TMEM108: variants seen among roughly 807,000 people sequenced by gnomAD.
TMEM108 encodes the protein transmembrane protein 108, also known as cancer/testis antigen 124.
In TMEM108, 12 loss-of-function variants were observed where a neutral mutation model predicts 35.1. The observed-to-expected ratio is 0.34, with a 90% confidence interval of 0.22 to 0.55. The LOEUF (loss-of-function observed/expected upper bound fraction) is 0.55, where lower values mean the gene tolerates loss of function less well. Among genes scored for constraint, TMEM108 ranks in the 20% least tolerant of loss-of-function variants. The pLI is 0.89. For synonymous variants in TMEM108, 287 were observed against 308.6 expected, an observed-to-expected ratio of 0.93 and a Z score of 0.73; for missense variants, 680 against 753.3, an observed-to-expected ratio of 0.90 and a Z score of 1.14.
intron 3 of TMEM108, among the ~76,000 whole-genome samples, chr3:133,301,616 A>G (rs1947226438): frequency 6.6e-6 from 1 of 152,200 alleles, no homozygotes; most frequent in African/African-American, 2.4e-5. Context: ...ATTCTTAACA[A>G]TGCATATTTA....
chr3:133,062,259 C>A (rs1323542205), intron 2 of TMEM108, among the ~76,000 whole-genome samples: 2 of 152,198 alleles, frequency 1.3e-5, no homozygotes, highest in Admixed American at 1.3e-4. Context: ...AATGGATAAA[C>A]AATAGCTAGG....
rs1397780339 is a variant in TMEM108, at chr3:133,070,411, T to C, written c.-47+24391T>C. Among the ~76,000 whole-genome samples, 3 of 152,188 alleles carry C rather than the reference T, an allele frequency of 2.0e-5. No homozygotes were observed. The East Asian group carries it at 5.8e-4, about 29-fold the overall frequency. Reference sequence around the variant, plus strand: ...ACTTGCAGGGCTGTGGTGTACCTGCTGCTGCTGCCTTTCTCTCCCCTTAAC... The same window carrying C: ...ACTTGCAGGGCTGTGGTGTACCTGCCGCTGCTGCCTTTCTCTCCCCTTAAC... On this transcript the variant is annotated intron_variant, in intron 2 of 5. Transcript: ENST00000321871.
intron 2 of TMEM108, among the ~76,000 whole-genome samples, chr3:133,129,548 C>G (rs371776584): frequency 6.6e-6 from 1 of 152,098 alleles, no homozygotes; most frequent in Non-Finnish European, 1.5e-5. Context: ...GCATCACTCA[C>G]GGACAGGAAG....
intron 3 of TMEM108, among the ~76,000 whole-genome samples, chr3:133,299,870 C>T (rs1947195335): frequency 6.6e-6 from 1 of 152,072 alleles, no homozygotes; most frequent in African/African-American, 2.4e-5. Flanking sequence ...TACCATATCC[C>T]ATTAGCACAT....
At chr3:133,133,574 T>C (rs560798836) in intron 2 of TMEM108, among the ~76,000 whole-genome samples, 55 of 152,292 alleles carry the variant, frequency 3.6e-4, no homozygotes, top group African/African-American at 1.2e-3. Flanking sequence ...GTAAGGAAGA[T>C]CATATGCCAT....
At chr3:133,361,802 G>A (rs147413950) in intron 3 of TMEM108, among the ~76,000 whole-genome samples, 96 of 152,262 alleles carry the variant, frequency 6.3e-4, no homozygotes, top group African/African-American at 2.2e-3. Context: ...CTTCTGCATA[G>A]TCTCAAAAAC....
chr3:133,231,098 G>A (rs551844746), intron 3 of TMEM108, among the ~76,000 whole-genome samples: 14 of 152,088 alleles, frequency 9.2e-5, no homozygotes, highest in Non-Finnish European at 1.5e-4. Flanking sequence ...TAAGTTATGT[G>A]TATGTTAACA....
At chr3:133,048,719 G>A (rs964622356) in intron 2 of TMEM108, among the ~76,000 whole-genome samples, 2 of 152,182 alleles carry the variant, frequency 1.3e-5, no homozygotes, top group African/African-American at 4.8e-5. Context: ...GTATAGCCTT[G>A]TTTATTTGCA....
chr3:133,251,611 G>A (rs554860393), intron 3 of TMEM108, among the ~76,000 whole-genome samples: 1 of 152,230 alleles, frequency 6.6e-6, no homozygotes, highest in Non-Finnish European at 1.5e-5. Flanking sequence ...CTTCAATGCC[G>A]GCCTTCAAGG....
intron 2 of TMEM108, among the ~76,000 whole-genome samples, chr3:133,175,295 G>T (rs551849651): frequency 6.6e-6 from 1 of 152,130 alleles, no homozygotes; most frequent in Non-Finnish European, 1.5e-5. Flanking sequence ...AGCAAGGCAG[G>T]CCAACATTCA....
intron 2 of TMEM108, among the ~76,000 whole-genome samples, chr3:133,139,472 A>G (rs1944612873): frequency 6.6e-6 from 1 of 152,210 alleles, no homozygotes; most frequent in Non-Finnish European, 1.5e-5. Context: ...GATATAGATG[A>G]CCCATAGTGT....
chr3:133,289,918 T>G (rs1220551097), intron 3 of TMEM108, among the ~76,000 whole-genome samples: 2 of 152,074 alleles, frequency 1.3e-5, no homozygotes, highest in African/African-American at 4.8e-5. Context: ...CCCCCCTCAT[T>G]AGAAGCAATG....
intron 3 of TMEM108, among the ~76,000 whole-genome samples, chr3:133,281,379 T>C (rs181506334): frequency 6.6e-6 from 1 of 152,342 alleles, no homozygotes; most frequent in Admixed American, 6.5e-5. Context: ...TGTGTGTATG[T>C]GGTTTCACCA....
intron 3 of TMEM108, among the ~76,000 whole-genome samples, chr3:133,377,890 C>A (rs1228554950): frequency 6.6e-6 from 1 of 152,216 alleles, no homozygotes; most frequent in Non-Finnish European, 1.5e-5. Flanking sequence ...GGAGCACAAA[C>A]CCTATTGTGA....
At chr3:133,320,388 T>C (rs998884205) in intron 3 of TMEM108, among the ~76,000 whole-genome samples, 2 of 150,574 alleles carry the variant, frequency 1.3e-5, no homozygotes, top group African/African-American at 4.9e-5. Context: ...ATACAAAATA[T>C]ACTAGAAAGT....
chr3:133,279,984 A>C lies in TMEM108; in HGVS notation c.40+50633A>C, dbSNP rs1946890346. ...GTTGCCCCTTAAGAGTTCTGTGTAGATTATATTAAATTTTGAGATGTGGGC... is the reference window on the plus strand; with the variant it reads ...GTTGCCCCTTAAGAGTTCTGTGTAGCTTATATTAAATTTTGAGATGTGGGC... On this transcript the variant is annotated intron_variant, in intron 3 of 5. Transcript: ENST00000321871. Among the ~76,000 whole-genome samples, 3 of 152,230 alleles carry C rather than the reference A, an allele frequency of 2.0e-5. No homozygotes were observed. In the South Asian group the frequency reaches 6.2e-4, roughly 31 times the overall value.
At chr3:133,367,468 A>C (rs184986749) in intron 3 of TMEM108, among the ~76,000 whole-genome samples, 74 of 152,396 alleles carry the variant, frequency 4.9e-4, no homozygotes, top group Non-Finnish European at 8.2e-4. Flanking sequence ...CCCAAAACTC[A>C]AATTACACCT....
At chr3:133,254,687 T>G (rs1168449543) in intron 3 of TMEM108, among the ~76,000 whole-genome samples, 1 of 152,234 alleles carries the variant, frequency 6.6e-6, no homozygotes, top group Admixed American at 6.5e-5. Flanking sequence ...ATACTGAATA[T>G]GAACTACTTG....
At chr3:133,151,971 C>A (rs953568883) in intron 2 of TMEM108, among the ~76,000 whole-genome samples, 1 of 152,070 alleles carries the variant, frequency 6.6e-6, no homozygotes, top group African/African-American at 2.4e-5. Flanking sequence ...CCAGAGTAGA[C>A]CATATGCTAC....
Sources: gnomAD v4.1 joint callset for allele counts (sites outside exome capture counted in the v4.1 genomes callset) on GRCh38, gnomAD v4.1.1 for gene constraint, MANE v1.5 for transcripts, NCBI Gene and HGNC (gene_info 2026-07-23, HGNC 2026-07-21) for gene names.